CTDSPL: variants seen among roughly 807,000 people sequenced by gnomAD.
CTDSPL encodes CTD small phosphatase like.
Under a neutral mutation model 30.5 loss-of-function variants are expected in CTDSPL, and 8 were observed. That is an observed-to-expected ratio of 0.26 (90% CI 0.15 to 0.47). The LOEUF (loss-of-function observed/expected upper bound fraction) is 0.47, where lower values mean the gene tolerates loss of function less well. Among genes scored for constraint, CTDSPL ranks in the 20% least tolerant of loss-of-function variants. The probability of loss-of-function intolerance (pLI) is 0.99; values close to 1 mark genes in which losing one functional copy is unlikely to be tolerated. For synonymous variants in CTDSPL, 110 were observed against 137.9 expected, an observed-to-expected ratio of 0.80 and a Z score of 1.42; for missense variants, 248 against 366.1, an observed-to-expected ratio of 0.68 and a Z score of 2.63.
At chr3:37,935,056 G>A (rs781621713) in intron 1 of CTDSPL, among the ~76,000 whole-genome samples, 4 of 152,144 alleles carry the variant, frequency 2.6e-5, no homozygotes, top group Non-Finnish European at 5.9e-5. Context: ...ACACTTCCCC[G>A]CATGTCTTCA....
At chr3:37,943,485 G>C (rs1400700524) in intron 1 of CTDSPL, among the ~76,000 whole-genome samples, 2 of 150,144 alleles carry the variant, frequency 1.3e-5, no homozygotes, top group East Asian at 2.0e-4. Context: ...ACTTTGGAAT[G>C]ACTTTTGATG....
At chr3:37,867,935 G>T (rs1042720591) in intron 1 of CTDSPL, among the ~76,000 whole-genome samples, 1 of 152,050 alleles carries the variant, frequency 6.6e-6, no homozygotes, top group Non-Finnish European at 1.5e-5. Context: ...CACCACAAAG[G>T]AACTCCTTTG....
intron 1 of CTDSPL, among the ~76,000 whole-genome samples, chr3:37,865,759 A>G (rs759852647): frequency 4.6e-5 from 7 of 152,190 alleles, no homozygotes; most frequent in Non-Finnish European, 1.0e-4. Flanking sequence ...AGGGCTGGAA[A>G]AAGAGTGCCA....
In CTDSPL at chr3:37,938,070, A is replaced by T. The variant is rs977390138; in HGVS notation, c.80-8987A>T. On this transcript the variant is annotated intron_variant, in intron 1 of 7. Coordinates refer to ENST00000273179, the MANE Select transcript of CTDSPL (RefSeq NM_001008392.2). Reference sequence around the variant, plus strand: ...CACTTGAGGAGAAACTTGAATGTTGAGGGATGGATTCATAGTGAGTAGCAA... The same window carrying T: ...CACTTGAGGAGAAACTTGAATGTTGTGGGATGGATTCATAGTGAGTAGCAA... Among the ~76,000 whole-genome samples the T allele has an allele frequency of 5.3e-5, 8 of 150,250 alleles. 1 individual carries two copies. Among genetic ancestry groups the T allele is most frequent in the Admixed American group, 3.3e-4 (5 of 14,928 alleles).
intron 7 of CTDSPL, among the ~76,000 whole-genome samples, chr3:37,977,572 C>T (rs574732935): frequency 2.3e-4 from 35 of 150,008 alleles, no homozygotes; most frequent in African/African-American, 7.4e-4. Flanking sequence ...TGATTAGATT[C>T]GATTTTTTTT....
chr3:37,950,173 T>C (rs1414985324), intron 2 of CTDSPL, among the ~76,000 whole-genome samples: 4 of 152,188 alleles, frequency 2.6e-5, no homozygotes, highest in African/African-American at 9.7e-5. Context: ...TTTGTTAACT[T>C]GGGCTCTGCT....
At chr3:37,931,128 A>G (rs1019448780) in intron 1 of CTDSPL, among the ~76,000 whole-genome samples, 4 of 145,048 alleles carry the variant, frequency 2.8e-5, no homozygotes, top group African/African-American at 1.0e-4. Flanking sequence ...CTCCCCCTCT[A>G]TTCAGCTCCT....
chr3:37,954,897 C>T (rs1459744853), intron 2 of CTDSPL: 1 of 152,234 alleles, frequency 6.6e-6, no homozygotes, highest in Non-Finnish European at 1.5e-5. Context: ...TGTATACACA[C>T]ACATACATAC....
intron 3 of CTDSPL, among the ~76,000 whole-genome samples, chr3:37,959,024 C>G (rs1699206795): frequency 6.6e-6 from 1 of 152,168 alleles, no homozygotes; most frequent in Non-Finnish European, 1.5e-5. Flanking sequence ...TCAGGGGGAC[C>G]TGGTGAGTGC....
chr3:37,955,014 T>G (rs1421781595), intron 2 of CTDSPL: 3 of 152,236 alleles, frequency 2.0e-5, no homozygotes, highest in Non-Finnish European at 4.4e-5. Context: ...ATTGTTGTGA[T>G]CTTGCGCGTC....
At chr3:37,895,543 G>A (rs1698381202) in intron 1 of CTDSPL, among the ~76,000 whole-genome samples, 1 of 152,170 alleles carries the variant, frequency 6.6e-6, no homozygotes, top group African/African-American at 2.4e-5. Context: ...ACTGGTGGCA[G>A]CCTGACACCA....
intron 1 of CTDSPL, among the ~76,000 whole-genome samples, chr3:37,894,137 A>G (rs1698363875): frequency 6.6e-6 from 1 of 152,200 alleles, no homozygotes; most frequent in Non-Finnish European, 1.5e-5. Context: ...TGGAGTATAT[A>G]GTAGCACAAT....
chr3:37,903,852 C>T (rs950330594), intron 1 of CTDSPL, among the ~76,000 whole-genome samples: 1 of 152,214 alleles, frequency 6.6e-6, no homozygotes, highest in African/African-American at 2.4e-5. Flanking sequence ...GGACAGGGTT[C>T]CTGCCAAGTC....
chr3:37,869,841 T>C (rs963385938), intron 1 of CTDSPL, among the ~76,000 whole-genome samples: 3 of 152,270 alleles, frequency 2.0e-5, no homozygotes, highest in Admixed American at 6.5e-5. Context: ...TTTTGTCTTA[T>C]GCTTTTTCTG....
intron 1 of CTDSPL, among the ~76,000 whole-genome samples, chr3:37,878,892 A>G (rs919793401): frequency 1.2e-4 from 18 of 152,230 alleles, no homozygotes; most frequent in African/African-American, 4.1e-4. Flanking sequence ...TAATTATGCA[A>G]TAGTATAAAA....
At chr3:37,936,332 C>CT (rs1245134177) in intron 1 of CTDSPL, among the ~76,000 whole-genome samples, 2 of 152,132 alleles carry the variant, frequency 1.3e-5, no homozygotes, top group African/African-American at 4.8e-5. Context: ...GACTGAGTCT[C>CT]TTTTCTAGAA....
At chr3:37,941,213 A>C (rs574886540) in intron 1 of CTDSPL, among the ~76,000 whole-genome samples, 1 of 150,130 alleles carries the variant, frequency 6.7e-6, no homozygotes, top group Admixed American at 6.7e-5. Context: ...ACCATGCCCC[A>C]CATCTCCAGC....
intron 1 of CTDSPL, among the ~76,000 whole-genome samples, chr3:37,895,366 G>T (rs1487496249): frequency 6.6e-6 from 1 of 152,130 alleles, no homozygotes; most frequent in East Asian, 1.9e-4. Context: ...TAGTTCAGTG[G>T]TCAGCCAAAG....
intron 5 of CTDSPL, 27 bp from the exon 6 acceptor site, chr3:37,971,380 C>A (rs755828487): frequency 5.6e-6 from 9 of 1,606,976 alleles, no homozygotes; most frequent in Non-Finnish European, 6.8e-6. Context: ...CCACATCTGA[C>A]CAGCCTGCTG....
Sources: gnomAD v4.1 joint callset for allele counts (sites outside exome capture counted in the v4.1 genomes callset) on GRCh38, gnomAD v4.1.1 for gene constraint, MANE v1.5 for transcripts, NCBI Gene and HGNC (gene_info 2026-07-23, HGNC 2026-07-21) for gene names.